TAB2: variants seen among roughly 807,000 people sequenced by gnomAD.
The protein encoded by TAB2 is TGF-beta-activated kinase 1 and MAP3K7-binding protein 2.
Under a neutral mutation model 65.0 loss-of-function variants are expected in TAB2, and 3 were observed. The observed-to-expected ratio is 0.05, with a 90% CI of 0.02 to 0.12. The LOEUF is 0.12. TAB2 is among the 10% of genes least tolerant of loss of function. The pLI, the probability that TAB2 is intolerant of heterozygous loss-of-function variation, is 1.00. For missense variants in TAB2, 623 were observed against 840.3 expected (o/e 0.74, Z 3.20); for synonymous variants, 298 against 285.1 (o/e 1.05, Z -0.46).
chr6:149,339,880 T>G (rs1780061783), intron 1 of TAB2, among the ~76,000 whole-genome samples: 1 of 152,128 alleles, frequency 6.6e-6, no homozygotes. Flanking sequence ...TGAGCCACCA[T>G]GCCCGGCCTC....
intron 6 of TAB2, among the ~76,000 whole-genome samples, chr6:149,408,153 G>A (rs1782728892): frequency 8.0e-6 from 1 of 124,690 alleles, no homozygotes; most frequent in Non-Finnish European, 1.7e-5. Flanking sequence ...GTGGTAAAAA[G>A]TCAAAAGTTT....
At chr6:149,326,902 G>A (rs1779637281) in intron 1 of TAB2, among the ~76,000 whole-genome samples, 1 of 152,174 alleles carries the variant, frequency 6.6e-6, no homozygotes, top group African/African-American at 2.4e-5. Context: ...TTGATCAAAT[G>A]CCATTATTTA....
At chr6:149,240,391 C>T (rs895719857) in intron 1 of TAB2, among the ~76,000 whole-genome samples, 1 of 152,180 alleles carries the variant, frequency 6.6e-6, no homozygotes, top group African/African-American at 2.4e-5. Flanking sequence ...GACATTTCTG[C>T]ACCCACAGAA....
chr6:149,341,706 T>C (rs1359553775), intron 1 of TAB2, among the ~76,000 whole-genome samples: 4 of 152,208 alleles, frequency 2.6e-5, no homozygotes, highest in Non-Finnish European at 5.9e-5. Context: ...AAAACTACTT[T>C]TACTCTGTTT....
chr6:149,397,527 G>A (rs1049496418), intron 3 of TAB2, 77 bp from the exon 4 acceptor site: 6 of 1,514,250 alleles, frequency 4.0e-6, no homozygotes, highest in African/African-American at 2.8e-5. Context: ...ACAAATTCTT[G>A]TTTGCTTTTC....
At chr6:149,337,076 A>G (rs1006639579) in intron 1 of TAB2, among the ~76,000 whole-genome samples, 1 of 152,166 alleles carries the variant, frequency 6.6e-6, no homozygotes, top group African/African-American at 2.4e-5. Context: ...TTTTCAGATT[A>G]CAGCTGTTGA....
chr6:149,400,644 G>T (rs1466909520), intron 6 of TAB2: 2 of 1,614,220 alleles, frequency 1.2e-6, no homozygotes, highest in Middle Eastern at 1.6e-4. Context: ...AGATACAATT[G>T]ATGTGTTTCA....
chr6:149,382,857 G>A (rs1038739205), intron 3 of TAB2, among the ~76,000 whole-genome samples: 3 of 151,688 alleles, frequency 2.0e-5, no homozygotes, highest in African/African-American at 4.8e-5. Context: ...ATAACAACAA[G>A]TAGAAATAAC....
chr6:149,377,557 A>C (rs1185905948), intron 2 of TAB2, among the ~76,000 whole-genome samples: 2 of 152,212 alleles, frequency 1.3e-5, no homozygotes, highest in South Asian at 2.1e-4. Flanking sequence ...TTAAACATTT[A>C]TTAGTTTAAA....
intron 1 of TAB2, among the ~76,000 whole-genome samples, chr6:149,307,573 A>T (rs1028650992): frequency 5.9e-5 from 9 of 152,060 alleles, no homozygotes; most frequent in African/African-American, 2.2e-4. Context: ...GTACTCTGTG[A>T]TTGTCATTTT....
At chr6:149,359,667 C>T (rs1203049466) in intron 1 of TAB2, among the ~76,000 whole-genome samples, 1 of 152,212 alleles carries the variant, frequency 6.6e-6, no homozygotes, top group African/African-American at 2.4e-5. Flanking sequence ...AACTATATCT[C>T]TCTCCTTCCA....
intron 1 of TAB2, among the ~76,000 whole-genome samples, chr6:149,334,879 C>T (rs569052502): frequency 6.6e-6 from 1 of 152,240 alleles, no homozygotes; most frequent in Non-Finnish European, 1.5e-5. Context: ...TTTCTAGCTT[C>T]AGAAGCATGT....
chr6:149,258,867 G>A (rs1778095287), intron 1 of TAB2, among the ~76,000 whole-genome samples: 1 of 152,234 alleles, frequency 6.6e-6, no homozygotes, highest in Non-Finnish European at 1.5e-5. Flanking sequence ...TATTCTGGAT[G>A]ATTCTGGACC....
At chr6:149,253,909 G>C (rs889595154) in intron 1 of TAB2, among the ~76,000 whole-genome samples, 2 of 132,624 alleles carry the variant, frequency 1.5e-5, no homozygotes, top group Non-Finnish European at 3.2e-5. Context: ...GTGACAGAGA[G>C]AGACTCCATC....
chr6:149,259,334 TACACAC>T (rs61261942), intron 1 of TAB2, among the ~76,000 whole-genome samples: 5,253 of 145,990 alleles, frequency 0.036, 281 homozygotes, highest in African/African-American at 0.12. Context: ...ACGCTCCCTC[TACACAC>T]ACACACACAC....
intron 1 of TAB2, among the ~76,000 whole-genome samples, chr6:149,328,130 A>C (rs190602551): frequency 6.4e-4 from 97 of 152,330 alleles, no homozygotes; most frequent in Non-Finnish European, 9.8e-4. Flanking sequence ...AACCAAACCA[A>C]GCTATCTATC....
At chr6:149,228,294 G>A (rs930095117) in intron 1 of TAB2, among the ~76,000 whole-genome samples, 20 of 152,024 alleles carry the variant, frequency 1.3e-4, no homozygotes, top group African/African-American at 2.4e-4. Context: ...TTTGCAATGC[G>A]GCTAAGTGTT....
chr6:149,355,942 A>T (rs1488463465), intron 1 of TAB2, among the ~76,000 whole-genome samples: 1 of 152,090 alleles, frequency 6.6e-6, no homozygotes, highest in African/African-American at 2.4e-5. Flanking sequence ...AGCATTTTTC[A>T]AATGTATTGC....
At chr6:149,313,531 A>G (rs866626256), upstream of TAB2, among the ~76,000 whole-genome samples, 2 of 152,164 alleles carry the variant, frequency 1.3e-5, no homozygotes, top group Admixed American at 6.5e-5. Flanking sequence ...CTTCCAATGT[A>G]CATCCTCAAC....
Sources: allele counts gnomAD v4.1 joint callset (sites outside exome capture counted in the v4.1 genomes callset), GRCh38; gene constraint gnomAD v4.1.1; transcripts MANE v1.5; gene names NCBI Gene and HGNC (gene_info 2026-07-23, HGNC 2026-07-21).